The following IFNGR2 variants were observed in gnomAD, a reference collection of about 807,000 sequenced individuals.
IFNGR2 encodes the protein IFN-gamma receptor 2.
Under a neutral mutation model 41.1 loss-of-function variants are expected in IFNGR2, and 15 were observed. That is an observed-to-expected ratio of 0.37 (90% CI 0.24 to 0.56). The LOEUF (loss-of-function observed/expected upper bound fraction) is 0.56. Among genes scored for constraint, IFNGR2 ranks in the 20% least tolerant of loss-of-function variants. The pLI is 0.81. For synonymous variants in IFNGR2, 161 were observed against 171.6 expected (o/e 0.94, Z 0.48); for missense variants, 362 against 415.7 (o/e 0.87, Z 1.12).
chr21:33,427,141 C>A, intron 4 of IFNGR2, 109 bp downstream of exon 4: 1 of 945,966 alleles, frequency 1.1e-6, no homozygotes, highest in Non-Finnish European at 1.7e-6. Context: ...TCCATGTCCC[C>A]GTGTCCCCAT....
At chr21:33,403,667 G>A (rs1237224330) in intron 1 of IFNGR2, 51 bp downstream of exon 1, 1 of 1,234,722 alleles carries the variant, frequency 8.1e-7, no homozygotes, top group South Asian at 2.3e-5. Flanking sequence ...GCCGCAGCAT[G>A]TGGGGGCTGG....
intron 6 of IFNGR2, among the ~76,000 whole-genome samples, chr21:33,434,134 C>T (rs1312058531): frequency 6.6e-6 from 1 of 152,196 alleles, no homozygotes; most frequent in Non-Finnish European, 1.5e-5. Flanking sequence ...CTGCATAACC[C>T]CAGCCCCCTG....
In IFNGR2 at chr21:33,412,586, C is replaced by T. The variant is rs187089756; in HGVS notation, c.74-2302C>T. On this transcript the variant is annotated intron_variant, in intron 1 of 6. Coordinates refer to ENST00000290219, the MANE Select transcript of IFNGR2 (RefSeq NM_005534.4). Reference sequence around the variant, plus strand: ...TTTATTTATTTTTGAGACGGAGTGCCGCTCTGTCGCCCAGGCTGGAGCGCA... The same window carrying T: ...TTTATTTATTTTTGAGACGGAGTGCTGCTCTGTCGCCCAGGCTGGAGCGCA... 1.8e-3 allele frequency among the ~76,000 whole-genome samples: 267 copies of T among 152,242 alleles called. 2 individuals are homozygous for T. Among genetic ancestry groups the T allele is most frequent in the African/African-American group, 5.3e-3 (222 of 41,546 alleles).
At chr21:33,412,028 A>T (rs1176581704) in intron 1 of IFNGR2, among the ~76,000 whole-genome samples, 1 of 152,146 alleles carries the variant, frequency 6.6e-6, no homozygotes, top group East Asian at 1.9e-4. Context: ...GGCTCCAGTG[A>T]TCCTCCCGCC....
chr21:33,429,044 C>T (rs1487618758), intron 4 of IFNGR2, among the ~76,000 whole-genome samples: 6 of 152,146 alleles, frequency 3.9e-5, no homozygotes, highest in Admixed American at 2.6e-4. Flanking sequence ...GCCTGGGACC[C>T]GCTTAGCACC....
At chr21:33,417,784 C>A (rs952666163) in intron 2 of IFNGR2, among the ~76,000 whole-genome samples, 1 of 151,930 alleles carries the variant, frequency 6.6e-6, no homozygotes, top group Non-Finnish European at 1.5e-5. Flanking sequence ...AGAGTCACGG[C>A]TGATGTATTG....
intron 1 of IFNGR2, among the ~76,000 whole-genome samples, chr21:33,413,896 G>A (rs1038541126): frequency 2.2e-5 from 3 of 135,452 alleles, no homozygotes; most frequent in African/African-American, 5.5e-5. Context: ...GCAATGGTGC[G>A]ATCTCAGCTC....
At chr21:33,420,516 T>G (rs2083784235) in intron 2 of IFNGR2, among the ~76,000 whole-genome samples, 1 of 152,124 alleles carries the variant, frequency 6.6e-6, no homozygotes, top group Non-Finnish European at 1.5e-5. Context: ...AAATCCTCTT[T>G]GAATGGGCAG....
At chr21:33,432,968 C>G (rs1175788759) in intron 6 of IFNGR2, 97 bp downstream of exon 6, 13 of 1,017,882 alleles carry the variant, frequency 1.3e-5, no homozygotes, top group African/African-American at 3.2e-5. Context: ...TCACTGCAGC[C>G]TCCATCTCCC....
At chr21:33,433,977 G>A (rs1332309337) in intron 6 of IFNGR2, among the ~76,000 whole-genome samples, 1 of 152,098 alleles carries the variant, frequency 6.6e-6, no homozygotes, top group African/African-American at 2.4e-5. Flanking sequence ...GGGGCCCACA[G>A]GGTGCTTAGG....
chr21:33,421,805 G>A (rs1196051533), intron 3 of IFNGR2, 120 bp downstream of exon 3: 3 of 829,428 alleles, frequency 3.6e-6, no homozygotes, highest in Non-Finnish European at 6.2e-6. Context: ...CAAATGGGTA[G>A]GACAGTCAAA....
At chr21:33,424,876 GATTACTGGC>G (rs17882848) in intron 3 of IFNGR2, among the ~76,000 whole-genome samples, 68,052 of 151,782 alleles carry the variant, frequency 0.45, 16,427 homozygotes, top group Non-Finnish European at 0.55. Context: ...CAGTAGCTAG[GATTACTGGC>G]ATGGGCCACC....
chr21:33,419,409 T>C (rs2083775006), intron 2 of IFNGR2, among the ~76,000 whole-genome samples: 1 of 152,136 alleles, frequency 6.6e-6, no homozygotes, highest in African/African-American at 2.4e-5. Context: ...CACCCAGCCA[T>C]TATTCTCATT....
intron 6 of IFNGR2, among the ~76,000 whole-genome samples, chr21:33,436,264 G>A (rs1159517761): frequency 2.0e-5 from 3 of 150,938 alleles, no homozygotes; most frequent in African/African-American, 4.9e-5. Flanking sequence ...CTGAGGCAGA[G>A]GTTGCAGTGA....
At chr21:33,425,345 G>A (rs1208494128) in intron 3 of IFNGR2, among the ~76,000 whole-genome samples, 4 of 152,196 alleles carry the variant, frequency 2.6e-5, no homozygotes. Flanking sequence ...TGCTGTGAGA[G>A]GAGGCAGATT....
At chr21:33,428,288 C>T (rs2083857597) in intron 4 of IFNGR2, among the ~76,000 whole-genome samples, 1 of 150,632 alleles carries the variant, frequency 6.6e-6, no homozygotes, top group African/African-American at 2.5e-5. Flanking sequence ...GTGGTACCAT[C>T]TTGGCTCACT....
rs1470095846 is a variant in IFNGR2, at chr21:33,403,600, C to A, written c.57C>A (p.Ala19=). Residue 19 remains alanine, a synonymous_variant, in exon 1 of 7, where the codon GCC becomes GCA. Coordinates refer to ENST00000290219, the MANE Select transcript of IFNGR2 (RefSeq NM_005534.4). ...LLLLLGVFAA[A]AAAPPDPLSQ... is the part of the protein sequence containing the mutation. ...TGCTGCTCGGAGTCTTCGCCGCCGC[C>A]GCCGCGGCCCCGCCAGGTGAGCCGG... 5.1e-6 allele frequency: 7 copies of A among 1,368,188 alleles called. No homozygotes were observed. In the South Asian group the frequency reaches 8.2e-5, roughly 16 times the overall value. The allele number at this position is 1,368,188 out of a possible 1,614,324, so 84.8% of individuals were successfully genotyped here. A position where few individuals can be genotyped will look rare whatever the true frequency, so the allele number is the denominator to read the frequency against.
chr21:33,428,305 T>G (rs1244845266), intron 4 of IFNGR2, among the ~76,000 whole-genome samples: 2 of 151,350 alleles, frequency 1.3e-5, no homozygotes, highest in Non-Finnish European at 2.9e-5. Flanking sequence ...CACTGCAACC[T>G]CTACCTCCCC....
At chr21:33,403,995 C>G (rs1327232442) in intron 1 of IFNGR2, among the ~76,000 whole-genome samples, 1 of 152,188 alleles carries the variant, frequency 6.6e-6, no homozygotes, top group Non-Finnish European at 1.5e-5. Context: ...TCCGTGAAGC[C>G]GGTAACCTCG....
Sources: allele counts gnomAD v4.1 joint callset (sites outside exome capture counted in the v4.1 genomes callset), GRCh38; gene constraint gnomAD v4.1.1; transcripts MANE v1.5; gene names NCBI Gene and HGNC (gene_info 2026-07-23, HGNC 2026-07-21).